The following RPRD1A variants were observed in gnomAD, a reference collection of about 807,000 sequenced individuals.
The protein encoded by RPRD1A is regulation of nuclear pre-mRNA domain containing 1A.
A neutral mutation model predicts 37.8 loss-of-function variants in RPRD1A; 9 were observed. That is an observed-to-expected ratio of 0.24 (90% CI 0.14 to 0.42). The LOEUF is 0.42. Among genes scored for constraint, RPRD1A ranks in the 10% least tolerant of loss-of-function variants. RPRD1A has a pLI of 1.00. For synonymous variants in RPRD1A, 138 were observed against 139.7 expected (o/e 0.99, Z 0.08); for missense variants, 255 against 371.0 (o/e 0.69, Z 2.57).
intron 1 of RPRD1A, among the ~76,000 whole-genome samples, chr18:36,057,702 G>T (rs1913892477): frequency 6.6e-6 from 1 of 152,182 alleles, no homozygotes; most frequent in Admixed American, 6.6e-5. Context: ...TGTTCAATTT[G>T]AAAAGTCAAA....
At chr18:36,050,551 A>G (rs906855611) in intron 1 of RPRD1A, among the ~76,000 whole-genome samples, 2 of 152,226 alleles carry the variant, frequency 1.3e-5, no homozygotes, top group Non-Finnish European at 2.9e-5. Context: ...CTTCAACAAA[A>G]AACAACTCAA....
At position 36,022,456 on chromosome 18, in the gene RPRD1A, A is replaced by G. The variant is rs28894803; in HGVS notation, c.789+4444T>C. ...ATAAATGCCTGCCTTCAAAGCTTCA[A>G]CAAACAAGCTGGCCCTCATTAGGAG... On this transcript the variant is annotated intron_variant, in intron 6 of 6. Transcript: ENST00000399022. Among the ~76,000 whole-genome samples the G allele has an allele frequency of 9.7e-3, 1,471 of 152,340 alleles. 25 individuals are homozygous for G. The highest frequency in any genetic ancestry group is 0.034 in the African/African-American group (1,399 of 41,562).
intron 6 of RPRD1A, among the ~76,000 whole-genome samples, chr18:36,013,157 G>C (rs1910283190): frequency 6.6e-6 from 1 of 152,162 alleles, no homozygotes; most frequent in Admixed American, 6.5e-5. Context: ...GACCTGAGTT[G>C]TACAATCTGT....
At chr18:36,001,489 A>G (rs1196771506) in intron 6 of RPRD1A, among the ~76,000 whole-genome samples, 2 of 152,108 alleles carry the variant, frequency 1.3e-5, no homozygotes, top group East Asian at 1.9e-4. Flanking sequence ...AAAGAATCCC[A>G]TTTCTCATTT....
chr18:36,065,216 C>T (rs1167994927), intron 1 of RPRD1A, among the ~76,000 whole-genome samples: 2 of 152,238 alleles, frequency 1.3e-5, no homozygotes, highest in Non-Finnish European at 2.9e-5. Flanking sequence ...TTAATCACTA[C>T]TATGCATATT....
In RPRD1A at chr18:36,026,893, T is replaced by C; in HGVS notation, c.789+7A>G. The stretch of plus-strand genomic sequence containing the variant: ...AATAAGCACTAAAGAAGAAAAAGGT[T>C]ACGCACTTCCAATTTATGCTCTTTC... On this transcript the variant is annotated splice_region_variant and intron_variant, in intron 6 of 6. Transcript: ENST00000399022. 6.2e-7 allele frequency: 1 copy of C among 1,610,990 alleles called. No individual in the cohort carries two copies.
chr18:36,019,309 G>A (rs573511770), intron 6 of RPRD1A, among the ~76,000 whole-genome samples: 8 of 151,942 alleles, frequency 5.3e-5, no homozygotes, highest in South Asian at 2.1e-4. Flanking sequence ...GGGTTTCACC[G>A]TGTTAGCTGG....
At position 35,990,294 on chromosome 18, in the gene RPRD1A, T is replaced by C. The variant is rs1336724591; in HGVS notation, c.*2857A>G. 1 of 152,240 alleles carries C rather than the reference T, an allele frequency of 6.6e-6. No homozygotes were observed. Among genetic ancestry groups the C allele is most frequent in the African/African-American group, 2.4e-5 (1 of 41,468 alleles). 9.4% of individuals were successfully genotyped at this position (152,240 alleles called of 1,614,324 possible). A position where few individuals can be genotyped will look rare whatever the true frequency, so the allele number is the denominator to read the frequency against. ...GTTCAGTAACTATACTTTAAAAAGA[T>C]GAGTTGCTCATCTACAGTGATAACT... On this transcript the variant is annotated 3_prime_UTR_variant, in exon 7 of 7. Transcript: ENST00000399022.
At chr18:36,008,973 G>C (rs1909994231) in intron 6 of RPRD1A, among the ~76,000 whole-genome samples, 1 of 152,078 alleles carries the variant, frequency 6.6e-6, no homozygotes, top group Admixed American at 6.6e-5. Context: ...CCTGTTTTCT[G>C]ATGGACACTA....
At chr18:36,021,759 G>C (rs905215615) in intron 6 of RPRD1A, among the ~76,000 whole-genome samples, 15 of 152,200 alleles carry the variant, frequency 9.9e-5, no homozygotes. Flanking sequence ...AGCACTTTGG[G>C]AGGCTGAGGC....
At chr18:36,020,211 T>C (rs547933205) in intron 6 of RPRD1A, among the ~76,000 whole-genome samples, 11 of 152,152 alleles carry the variant, frequency 7.2e-5, no homozygotes, top group African/African-American at 2.2e-4. Context: ...AGTCTTAAGG[T>C]TGACAAGAAG....
chr18:36,052,506 T>C lies in RPRD1A; in HGVS notation c.151+14748A>G, dbSNP rs561162806. ...TGTTTATCAAATGGCACACAACATA[T>C]AAAGATGTACTTTGTGATAACATAA... On this transcript the variant is annotated intron_variant, in intron 1 of 6. Coordinates refer to ENST00000399022, the MANE Select transcript of RPRD1A (RefSeq NM_018170.5). Among the ~76,000 whole-genome samples the C allele has an allele frequency of 2.0e-5, 3 of 152,280 alleles. No individual in the cohort carries two copies. In the East Asian group the frequency reaches 5.8e-4, roughly 29 times the overall value.
chr18:36,026,499 G>A lies in RPRD1A; in HGVS notation c.789+401C>T, dbSNP rs117225477. ...AGAATTGGCGGGTGGAATTAAGGGA[G>A]TAATTTAAAGACTTAATGGTATACC... On this transcript the variant is annotated intron_variant, in intron 6 of 6. Transcript: ENST00000399022. The A allele has an allele frequency of 3.0e-4, 47 of 158,230 alleles. No individual in the cohort carries two copies. In the East Asian group the frequency reaches 7.6e-3, roughly 26 times the overall value. The allele number at this position is 158,230 out of a possible 1,614,324, so 9.8% of individuals were successfully genotyped here.
intron 6 of RPRD1A, among the ~76,000 whole-genome samples, chr18:36,011,423 T>C (rs892916287): frequency 2.6e-5 from 4 of 152,158 alleles, no homozygotes; most frequent in African/African-American, 9.7e-5. Flanking sequence ...TGGCCTTATA[T>C]CTTCAACATG....
chr18:36,025,633 T>C (rs1212220635), intron 6 of RPRD1A: 63 of 1,288,760 alleles, frequency 4.9e-5, no homozygotes, highest in Non-Finnish European at 6.1e-5. Context: ...AGGAAGAATA[T>C]ACTAATGGTG....
At position 36,041,231 on chromosome 18, in the gene RPRD1A, A is replaced by C. The variant is rs76016311; in HGVS notation, c.152-7394T>G. Among the ~76,000 whole-genome samples the C allele has an allele frequency of 6.3e-3, 962 of 152,332 alleles. 20 individuals carry two copies. The highest frequency in any genetic ancestry group is 0.022 in the African/African-American group (916 of 41,570). On this transcript the variant is annotated intron_variant, in intron 1 of 6. Coordinates refer to ENST00000399022, the MANE Select transcript of RPRD1A (RefSeq NM_018170.5). ...AATTTTTCATTAATAATCCCCACGTATCTCTCCTGAAACCAAGGAGTTAAT... is the reference window on the plus strand; with the variant it reads ...AATTTTTCATTAATAATCCCCACGTCTCTCTCCTGAAACCAAGGAGTTAAT...
At chr18:36,039,516 C>A (rs1912435601) in intron 1 of RPRD1A, among the ~76,000 whole-genome samples, 1 of 152,168 alleles carries the variant, frequency 6.6e-6, no homozygotes, top group African/African-American at 2.4e-5. Flanking sequence ...CAGACTTACT[C>A]AGTGAAAGGA....
At chr18:36,037,593 T>C (rs181009981) in intron 1 of RPRD1A, among the ~76,000 whole-genome samples, 28 of 152,330 alleles carry the variant, frequency 1.8e-4, no homozygotes, top group African/African-American at 5.5e-4. Flanking sequence ...GCTGTAAAGA[T>C]ACCTGAAAAT....
Position 36,067,391 on chromosome 18 carries a change from G to C in RPRD1A, c.14C>G (p.Ser5Cys). The C allele has an allele frequency of 6.2e-7, 1 of 1,607,150 alleles. No individual in the cohort carries two copies. The highest frequency in any genetic ancestry group is 8.5e-7 in the Non-Finnish European group (1 of 1,177,054). ...CAGCTTCTTCTCCAGCGCCGCCTCA[G>C]AGAAGGCTGACATCCCTCCGACACC... MSAF[S>C]EAALEKKLSE... The change falls in exon 1 of 7, where the codon TCT (serine) becomes TGT (cysteine). Residue 5 changes from serine (S) to cysteine (C), a missense_variant. By Grantham distance (112) the Ser-to-Cys change is moderately radical. Coordinates refer to ENST00000399022, the MANE Select transcript of RPRD1A (RefSeq NM_018170.5).
Sources: allele counts gnomAD v4.1 joint callset (sites outside exome capture counted in the v4.1 genomes callset), GRCh38; gene constraint gnomAD v4.1.1; transcripts MANE v1.5; gene names NCBI Gene and HGNC (gene_info 2026-07-23, HGNC 2026-07-21).